Variants in GABRG3 observed in about 807,000 individuals in gnomAD.
GABRG3 encodes gamma-aminobutyric acid type A receptor subunit gamma3.
GABRG3 carries 25 observed loss-of-function variants against 48.8 expected under a neutral mutation model. The ratio of observed to expected loss-of-function variants is 0.51; its 90% CI spans 0.37 to 0.72. GABRG3 has a LOEUF of 0.72. GABRG3 is among the 30% of genes least tolerant of loss of function. The probability of loss-of-function intolerance (pLI) is 0.00; values close to 1 mark genes in which losing one functional copy is unlikely to be tolerated. For missense variants in GABRG3, 394 were observed against 577.9 expected (o/e 0.68, Z 3.26); for synonymous variants, 227 against 217.6 (o/e 1.04, Z -0.38).
chr15:27,276,732 A>G (rs953751200), intron 3 of GABRG3, among the ~76,000 whole-genome samples: 2 of 152,128 alleles, frequency 1.3e-5, no homozygotes, highest in African/African-American at 4.8e-5. Context: ...GCATCTCAAA[A>G]CAGGAAATGC....
At chr15:27,374,138 CTTTTTTTTTTTTTTT>C (rs201839822) in intron 5 of GABRG3, among the ~76,000 whole-genome samples, 2 of 91,670 alleles carry the variant, frequency 2.2e-5, no homozygotes, top group Non-Finnish European at 4.4e-5. Context: ...TTCTTTTCTT[CTTTTTTTTTTTTTTT>C]TTTTTTTTCA....
At chr15:27,214,702 T>C (rs562202035) in intron 3 of GABRG3, among the ~76,000 whole-genome samples, 1 of 152,156 alleles carries the variant, frequency 6.6e-6, no homozygotes, top group Admixed American at 6.5e-5. Flanking sequence ...ACATTTTTTT[T>C]TTTTTTTGGT....
chr15:27,343,491 T>G (rs1247723906), intron 5 of GABRG3, among the ~76,000 whole-genome samples: 1 of 152,214 alleles, frequency 6.6e-6, no homozygotes, highest in African/African-American at 2.4e-5. Flanking sequence ...AAGTTTGGCC[T>G]TGTTGATTTT....
In GABRG3 at chr15:27,326,910, G is replaced by T. The variant is rs748363334; in HGVS notation, c.372G>T (p.Gly124=). Residue 124 remains glycine (G), a synonymous_variant, in exon 4 of 10, where the codon GGG becomes GGT. Coordinates refer to ENST00000615808, the MANE Select transcript of GABRG3 (RefSeq NM_033223.5). ...TTACTCTGAACAGCAACATGGTGGG[G>T]TTAATCTGGATCCCAGACACCATCT... ...KILTLNSNMV[G]LIWIPDTIFR... is the part of the protein sequence containing the mutation. 6.2e-6 allele frequency: 10 copies of T among 1,613,838 alleles called. No homozygotes were observed. Among genetic ancestry groups the T allele is most frequent in the African/African-American group, 1.3e-5 (1 of 74,916 alleles).
chr15:27,235,885 T>A (rs1000007606), intron 3 of GABRG3, among the ~76,000 whole-genome samples: 1 of 152,190 alleles, frequency 6.6e-6, no homozygotes, highest in East Asian at 1.9e-4. Context: ...ACCTCTCCAC[T>A]GATGAGTCTC....
intron 3 of GABRG3, chr15:27,208,365 C>A (rs1888942271): frequency 4.4e-6 from 1 of 229,864 alleles, no homozygotes; most frequent in East Asian, 1.1e-4. Flanking sequence ...TCCTGCACTT[C>A]ATTGGCCTTG....
chr15:27,098,329 G>A (rs964673112), intron 3 of GABRG3, among the ~76,000 whole-genome samples: 2 of 152,132 alleles, frequency 1.3e-5, no homozygotes, highest in African/African-American at 2.4e-5. Flanking sequence ...AGCTACTCGG[G>A]AGGCTGATAC....
chr15:27,142,541 C>T (rs1240603940), intron 3 of GABRG3, among the ~76,000 whole-genome samples: 2 of 152,176 alleles, frequency 1.3e-5, no homozygotes, highest in African/African-American at 4.8e-5. Context: ...TACCAGGTCC[C>T]TCCCACAACA....
At chr15:27,077,520 C>A (rs1896929115) in intron 3 of GABRG3, among the ~76,000 whole-genome samples, 1 of 152,058 alleles carries the variant, frequency 6.6e-6, no homozygotes, top group Admixed American at 6.5e-5. Context: ...TGCAAATGCC[C>A]CTTATGGCTT....
At chr15:27,306,587 TATAATATAAAC>T (rs1229826601) in intron 3 of GABRG3, among the ~76,000 whole-genome samples, 1 of 131,332 alleles carries the variant, frequency 7.6e-6, no homozygotes. Flanking sequence ...TATATAAACA[TATAATATAAAC>T]ATATGTTTAT....
rs1206338282 is a variant in GABRG3, at chr15:27,248,785, CACACACACACACACACACAGAG to C, written c.271-78022_271-78001del. Among the ~76,000 whole-genome samples, 107 of 112,004 alleles carry C rather than the reference CACACACACACACACACACAGAG, an allele frequency of 9.6e-4. 1 individual carries two copies. Among genetic ancestry groups the C allele is most frequent in the African/African-American group, 4.0e-3 (102 of 25,250 alleles). 73.5% of individuals were successfully genotyped at this position (112,004 alleles called of 152,430 possible). A position where few individuals can be genotyped will look rare whatever the true frequency, so the allele number is the denominator to read the frequency against. On this transcript the variant is annotated intron_variant, in intron 3 of 9. Coordinates refer to ENST00000615808, the MANE Select transcript of GABRG3 (RefSeq NM_033223.5). ...GAAGGAAAACACACACACACACACA[CACACACACACACACACACAGAG>C]AGAGAGAGAGAGAGAGAGAGAGAGA...
At chr15:27,494,001 A>G (rs1890421696) in intron 6 of GABRG3, among the ~76,000 whole-genome samples, 1 of 152,174 alleles carries the variant, frequency 6.6e-6, no homozygotes, top group Non-Finnish European at 1.5e-5. Flanking sequence ...TGGTTTTATA[A>G]AAGAATGGAT....
chr15:27,243,936 C>A (rs534092312), intron 3 of GABRG3, among the ~76,000 whole-genome samples: 4 of 152,060 alleles, frequency 2.6e-5, no homozygotes, highest in African/African-American at 9.6e-5. Context: ...TGAAATTGAT[C>A]CATGGGGTTA....
chr15:27,425,407 A>G (rs573707892), intron 5 of GABRG3, among the ~76,000 whole-genome samples: 7 of 150,248 alleles, frequency 4.7e-5, no homozygotes, highest in Admixed American at 2.7e-4. Context: ...GATTGAGACC[A>G]TCCTGGCTAA....
At chr15:27,266,405 A>C (rs1300048846) in intron 3 of GABRG3, among the ~76,000 whole-genome samples, 1 of 152,050 alleles carries the variant, frequency 6.6e-6, no homozygotes, top group Non-Finnish European at 1.5e-5. Context: ...TCCATCGATC[A>C]ATCTGTTTGT....
chr15:27,405,335 A>T (rs538905817), intron 5 of GABRG3, among the ~76,000 whole-genome samples: 3 of 152,218 alleles, frequency 2.0e-5, no homozygotes, highest in Non-Finnish European at 4.4e-5. Flanking sequence ...GCTCAGCCTC[A>T]TTTGTTATTA....
At chr15:27,031,076 A>ACG (rs1257691526) in intron 3 of GABRG3, among the ~76,000 whole-genome samples, 1 of 151,658 alleles carries the variant, frequency 6.6e-6, no homozygotes, top group African/African-American at 2.4e-5. Flanking sequence ...ACACACACAC[A>ACG]CACACACACA....
chr15:27,043,462 C>T (rs979364152), intron 3 of GABRG3, among the ~76,000 whole-genome samples: 5 of 152,114 alleles, frequency 3.3e-5, no homozygotes, highest in African/African-American at 9.7e-5. Flanking sequence ...CACAGCAGCC[C>T]GTCAGAAGGG....
At chr15:27,326,082 T>G (rs1395567653) in intron 3 of GABRG3, among the ~76,000 whole-genome samples, 2 of 152,056 alleles carry the variant, frequency 1.3e-5, no homozygotes. Context: ...TAGGATAGAA[T>G]CAGTCCTATC....
Sources: gnomAD v4.1 joint callset for allele counts (sites outside exome capture counted in the v4.1 genomes callset) on GRCh38, gnomAD v4.1.1 for gene constraint, MANE v1.5 for transcripts, NCBI Gene and HGNC (gene_info 2026-07-23, HGNC 2026-07-21) for gene names.